PRTG: variants seen among roughly 807,000 people sequenced by gnomAD.
The protein encoded by PRTG is immunoglobulin superfamily, DCC subclass, member 5.
A neutral mutation model predicts 122.5 loss-of-function variants in PRTG; 67 were observed. The observed-to-expected ratio is 0.55, with a 90% CI of 0.45 to 0.67. The LOEUF (loss-of-function observed/expected upper bound fraction) is 0.67, where lower values mean the gene tolerates loss of function less well. Among genes scored for constraint, PRTG ranks in the 30% least tolerant of loss-of-function variants. The probability of loss-of-function intolerance (pLI) is 0.00; values close to 1 mark genes in which losing one functional copy is unlikely to be tolerated. For synonymous variants in PRTG, 554 were observed against 501.1 expected (o/e 1.11, Z -1.41); for missense variants, 1,435 against 1,415.4 (o/e 1.01, Z -0.22).
chr15:55,630,038 G>A (rs1353116865), intron 15 of PRTG, among the ~76,000 whole-genome samples: 1 of 149,542 alleles, frequency 6.7e-6, no homozygotes, highest in Non-Finnish European at 1.5e-5. Context: ...CCAGGCTAGA[G>A]TGCAGCGGCA....
chr15:55,686,651 G>A (rs1171347391), intron 2 of PRTG, among the ~76,000 whole-genome samples: 1 of 152,090 alleles, frequency 6.6e-6, no homozygotes, highest in Non-Finnish European at 1.5e-5. Context: ...CACCCTCAGT[G>A]ATCATCATAA....
At chr15:55,732,898 A>T (rs1420863129) in intron 2 of PRTG, among the ~76,000 whole-genome samples, 2 of 152,194 alleles carry the variant, frequency 1.3e-5, no homozygotes, top group African/African-American at 2.4e-5. Flanking sequence ...ATTTTAAAAA[A>T]ATATATACAA....
In PRTG at chr15:55,680,539, A is replaced by T. The variant is rs2059532122; in HGVS notation, c.766T>A (p.Cys256Ser). Residue 256 changes from cysteine (C) to serine (S), a missense_variant, in exon 5 of 20, where the codon TGC becomes AGC. Coordinates refer to ENST00000389286, the MANE Select transcript of PRTG (RefSeq NM_173814.6). ...GGTTTGGGATTTCCTGTGGCCATGCATTCCAAAACTACAGTCTGATGAAGA... is the reference window on the plus strand; with the variant it reads ...GGTTTGGGATTTCCTGTGGCCATGCTTTCCAAAACTACAGTCTGATGAAGA... ...TSLHQTVVLE[C>S]MATGNPKPII... 6.2e-7 allele frequency: 1 copy of T among 1,602,914 alleles called. No homozygotes were observed. The highest frequency in any genetic ancestry group is 8.5e-7 in the Non-Finnish European group (1 of 1,174,388).
Position 55,672,519 on chromosome 15 carries a change from T to A in PRTG, c.1967A>T (p.Lys656Met). ...CCCATTCTCCTGCTGCCCTTCTTCC[T>A]TGTAGTACAGCTTGTAGCCCTGAAT... ...AAIQGYKLYY[K>M]EEGQQENGPI... The change falls in exon 11 of 20, where the codon AAG (lysine) becomes ATG (methionine). Residue 656 changes from lysine to methionine, a missense_variant. Coordinates refer to ENST00000389286, the MANE Select transcript of PRTG (RefSeq NM_173814.6). The A allele has an allele frequency of 6.2e-7, 1 of 1,614,110 alleles. No individual in the cohort carries two copies. Among genetic ancestry groups the A allele is most frequent in the Non-Finnish European group, 8.5e-7 (1 of 1,179,994 alleles).
chr15:55,703,014 G>T, intron 2 of PRTG: 1 of 743,970 alleles, frequency 1.3e-6, no homozygotes, highest in Non-Finnish European at 1.6e-6. Flanking sequence ...AATCCACTAG[G>T]CCAGACTTGA....
Position 55,629,007 on chromosome 15 carries a change from A to G in PRTG, c.2624-3T>C. The G allele has an allele frequency of 6.3e-7, 1 of 1,586,230 alleles. No homozygotes were observed. The highest frequency in any genetic ancestry group is 1.7e-5 in the Admixed American group (1 of 58,222). The stretch of plus-strand genomic sequence containing the variant: ...TAGCAAAGCCATGGTTATTGCCCCT[A>G]GAAATACATCAATTACAAATTAAGT... On this transcript the variant is annotated splice_polypyrimidine_tract_variant and splice_region_variant and intron_variant, in intron 15 of 19. Coordinates refer to ENST00000389286, the MANE Select transcript of PRTG (RefSeq NM_173814.6).
intron 2 of PRTG, among the ~76,000 whole-genome samples, chr15:55,733,239 G>A (rs912532970): frequency 3.9e-5 from 6 of 152,000 alleles, no homozygotes; most frequent in African/African-American, 1.4e-4. Context: ...AGGCGTGGTG[G>A]CTCACACCTG....
chr15:55,704,465 A>C (rs1392922986), intron 2 of PRTG, among the ~76,000 whole-genome samples: 1 of 152,230 alleles, frequency 6.6e-6, no homozygotes. Flanking sequence ...AGGACATTTA[A>C]AACCAATTCA....
At chr15:55,740,885 TC>T (rs759583892) in intron 1 of PRTG, among the ~76,000 whole-genome samples, 27 of 152,316 alleles carry the variant, frequency 1.8e-4, no homozygotes, top group Non-Finnish European at 3.5e-4. Context: ...ACTTTTTACA[TC>T]TTCACTAAAA....
In PRTG at chr15:55,683,920, A is replaced by G. The variant is rs1486160347; in HGVS notation, c.409T>C (p.Phe137Leu). The change falls in exon 3 of 20, where the codon TTT (phenylalanine) becomes CTT (leucine). Residue 137 changes from phenylalanine to leucine, a missense_variant. Coordinates refer to ENST00000389286, the MANE Select transcript of PRTG (RefSeq NM_173814.6). ...TCAGTGGAAATTGGCTGGACTTCAA[A>G]TGCAGAAATAGCTATAAGATAAAGT... ...AHLALSTISA[F>L]EVQPISTEVH... 5 of 1,613,078 alleles carry G rather than the reference A, an allele frequency of 3.1e-6. No individual in the cohort carries two copies. Among genetic ancestry groups the G allele is most frequent in the Non-Finnish European group, 4.2e-6 (5 of 1,179,568 alleles).
chr15:55,702,158 A>T (rs1321853671), intron 2 of PRTG, among the ~76,000 whole-genome samples: 1 of 152,208 alleles, frequency 6.6e-6, no homozygotes, highest in East Asian at 1.9e-4. Context: ...TTTTCTAGCC[A>T]GTGTTAAAGA....
intron 11 of PRTG, among the ~76,000 whole-genome samples, chr15:55,645,834 C>A (rs543609325): frequency 3.3e-5 from 5 of 151,972 alleles, no homozygotes; most frequent in Non-Finnish European, 7.4e-5. Flanking sequence ...CGGACTTAGG[C>A]TATGTGGTTT....
intron 16 of PRTG, among the ~76,000 whole-genome samples, chr15:55,627,899 T>G (rs899331580): frequency 6.6e-6 from 1 of 152,068 alleles, no homozygotes; most frequent in African/African-American, 2.4e-5. Context: ...ACTCACTAAG[T>G]CTGGGGTGGG....
At chr15:55,649,840 A>G (rs1024236828) in intron 11 of PRTG, among the ~76,000 whole-genome samples, 1 of 151,902 alleles carries the variant, frequency 6.6e-6, no homozygotes, top group Admixed American at 6.6e-5. Flanking sequence ...TAGTAATAAT[A>G]TAATTGCTAT....
intron 2 of PRTG, among the ~76,000 whole-genome samples, chr15:55,713,022 A>G (rs1244272279): frequency 1.3e-5 from 2 of 152,172 alleles, no homozygotes; most frequent in Admixed American, 6.5e-5. Flanking sequence ...TTGTTCCAGA[A>G]TTTTCAAAAA....
intron 11 of PRTG, among the ~76,000 whole-genome samples, chr15:55,643,885 A>G (rs1272683343): frequency 6.6e-6 from 1 of 151,798 alleles, no homozygotes; most frequent in African/African-American, 2.4e-5. Flanking sequence ...CTTTTTGGAC[A>G]CTGGGTCTCA....
intron 2 of PRTG, among the ~76,000 whole-genome samples, chr15:55,689,308 T>C (rs1276439894): frequency 1.3e-5 from 2 of 152,192 alleles, no homozygotes; most frequent in Admixed American, 6.5e-5. Context: ...TCAGCATCCA[T>C]CCTTCTAAAT....
intron 2 of PRTG, among the ~76,000 whole-genome samples, chr15:55,687,488 A>G (rs372312975): frequency 6.6e-6 from 1 of 152,202 alleles, no homozygotes; most frequent in East Asian, 1.9e-4. Context: ...CAATCAAACA[A>G]TATGCCTGGG....
In PRTG at chr15:55,639,832, T is replaced by C. The variant is rs976268076; in HGVS notation, c.2138-4A>G. On this transcript the variant is annotated splice_region_variant and splice_polypyrimidine_tract_variant and intron_variant, in intron 12 of 19. Coordinates refer to ENST00000389286, the MANE Select transcript of PRTG (RefSeq NM_173814.6). The stretch of plus-strand genomic sequence containing the variant: ...GGGACCATGCGATCACGAACAGCTA[T>C]TGAGAAAAACAATGTTAATTTACGA... 1.5e-5 allele frequency: 25 copies of C among 1,613,068 alleles called. No homozygotes were observed. The highest frequency in any genetic ancestry group is 2.2e-5 in the South Asian group (2 of 90,882).
Sources: gnomAD v4.1 joint callset for allele counts (sites outside exome capture counted in the v4.1 genomes callset) on GRCh38, gnomAD v4.1.1 for gene constraint, MANE v1.5 for transcripts, NCBI Gene and HGNC (gene_info 2026-07-23, HGNC 2026-07-21) for gene names.